GMDS: variants seen among roughly 807,000 people sequenced by gnomAD.
GMDS encodes GDP-mannose 4,6-dehydratase, also known as GDP-mannose 4,6 dehydratase.
Under a neutral mutation model 49.9 loss-of-function variants are expected in GMDS, and 20 were observed. That is an observed-to-expected ratio of 0.40 (90% CI 0.28 to 0.58). The LOEUF (loss-of-function observed/expected upper bound fraction) is 0.58, where lower values mean the gene tolerates loss of function less well. GMDS is among the 20% of genes least tolerant of loss of function. GMDS has a pLI of 0.42. For synonymous variants in GMDS, 177 were observed against 178.6 expected (o/e 0.99, Z 0.07); for missense variants, 362 against 481.4 (o/e 0.75, Z 2.32).
chr6:1,998,325 G>A (rs114751454), intron 4 of GMDS, among the ~76,000 whole-genome samples: 276 of 152,026 alleles, frequency 1.8e-3, no homozygotes, highest in Non-Finnish European at 3.0e-3. Flanking sequence ...ACAAACTCCT[G>A]GTAGAGTTTC....
At chr6:2,003,102 AAC>A (rs1040972317) in intron 4 of GMDS, among the ~76,000 whole-genome samples, 8 of 152,176 alleles carry the variant, frequency 5.3e-5, no homozygotes, top group Admixed American at 2.0e-4. Flanking sequence ...TACCTAAGCT[AAC>A]ATACTTGTAA....
At chr6:2,226,380 T>G (rs755759551) in intron 1 of GMDS, among the ~76,000 whole-genome samples, 1 of 152,218 alleles carries the variant, frequency 6.6e-6, no homozygotes, top group African/African-American at 2.4e-5. Flanking sequence ...AAGAGTTAGA[T>G]TCTGCCTATG....
At chr6:1,896,244 A>G (rs1264709358) in intron 7 of GMDS, among the ~76,000 whole-genome samples, 1 of 151,864 alleles carries the variant, frequency 6.6e-6, no homozygotes, top group Non-Finnish European at 1.5e-5. Context: ...AGATATGTGC[A>G]CTCCCCCTAA....
At chr6:1,776,887 T>C (rs9405516) in intron 7 of GMDS, among the ~76,000 whole-genome samples, 7,856 of 152,140 alleles carry the variant, frequency 0.052, 386 homozygotes, top group African/African-American at 0.12. Context: ...CTGACACTCT[T>C]CTCCCCCAAG....
intron 7 of GMDS, among the ~76,000 whole-genome samples, chr6:1,824,067 T>C (rs903559109): frequency 6.6e-6 from 1 of 152,036 alleles, no homozygotes; most frequent in Non-Finnish European, 1.5e-5. Context: ...CACCCTACCA[T>C]CCCTGAGACT....
chr6:1,707,976 A>G (rs1369887497), intron 9 of GMDS, among the ~76,000 whole-genome samples: 5 of 152,230 alleles, frequency 3.3e-5, no homozygotes, highest in Admixed American at 2.0e-4. Flanking sequence ...TTCACAAACT[A>G]GGCTACATCC....
chr6:2,210,463 T>C (rs756177384), intron 1 of GMDS, among the ~76,000 whole-genome samples: 3 of 152,198 alleles, frequency 2.0e-5, no homozygotes, highest in Non-Finnish European at 4.4e-5. Context: ...CATCCTTTCC[T>C]GGTGTAACGC....
intron 1 of GMDS, among the ~76,000 whole-genome samples, chr6:2,214,399 C>T (rs1347243124): frequency 6.6e-6 from 1 of 152,146 alleles, no homozygotes; most frequent in African/African-American, 2.4e-5. Flanking sequence ...GATGGTTTTG[C>T]ACCTGTAATG....
chr6:1,687,789 G>A (rs1003053134), intron 9 of GMDS, among the ~76,000 whole-genome samples: 1 of 152,096 alleles, frequency 6.6e-6, no homozygotes, highest in Non-Finnish European at 1.5e-5. Flanking sequence ...GCAGGTGTCA[G>A]TGCCCCAAGG....
intron 9 of GMDS, among the ~76,000 whole-genome samples, chr6:1,724,458 C>T (rs1766500886): frequency 6.6e-6 from 1 of 152,114 alleles, no homozygotes; most frequent in African/African-American, 2.4e-5. Flanking sequence ...TTATCAATCC[C>T]ACACCTTGTC....
chr6:1,777,304 C>T (rs973516482), intron 7 of GMDS, among the ~76,000 whole-genome samples: 1 of 152,276 alleles, frequency 6.6e-6, no homozygotes, highest in African/African-American at 2.4e-5. Context: ...GTTCATTCCA[C>T]TATTCCACAC....
At chr6:1,688,981 T>C (rs1022916827) in intron 9 of GMDS, among the ~76,000 whole-genome samples, 2 of 152,222 alleles carry the variant, frequency 1.3e-5, no homozygotes, top group Admixed American at 6.5e-5. Flanking sequence ...ATCATTACTG[T>C]AGAGGTTACT....
chr6:2,204,366 T>G (rs1055676601), intron 1 of GMDS, among the ~76,000 whole-genome samples: 5 of 152,222 alleles, frequency 3.3e-5, no homozygotes, highest in African/African-American at 1.2e-4. Flanking sequence ...ATTTACTATC[T>G]TCCTGCATAC....
chr6:1,936,380 TA>T (rs1456875327), intron 6 of GMDS, among the ~76,000 whole-genome samples: 1 of 152,066 alleles, frequency 6.6e-6, no homozygotes, highest in Non-Finnish European at 1.5e-5. Flanking sequence ...TCCATGAACC[TA>T]GGGAAAGTGA....
chr6:2,044,695 T>G (rs901935390), intron 4 of GMDS, among the ~76,000 whole-genome samples: 1 of 152,156 alleles, frequency 6.6e-6, no homozygotes, highest in African/African-American at 2.4e-5. Context: ...AACCTGCACG[T>G]GTACCCCTGA....
intron 7 of GMDS, among the ~76,000 whole-genome samples, chr6:1,792,691 T>C (rs1769591009): frequency 6.6e-6 from 1 of 152,226 alleles, no homozygotes; most frequent in African/African-American, 2.4e-5. Context: ...CTTGACTTGG[T>C]TTAGAATTTC....
At chr6:1,709,719 TACATGAG>T (rs1176514097) in intron 9 of GMDS, among the ~76,000 whole-genome samples, 18 of 152,202 alleles carry the variant, frequency 1.2e-4, no homozygotes, top group Non-Finnish European at 2.2e-4. Context: ...GACTGCTGCT[TACATGAG>T]AGTACGTGCA....
intron 9 of GMDS, among the ~76,000 whole-genome samples, chr6:1,658,804 C>T (rs1052585404): frequency 2.0e-5 from 3 of 152,208 alleles, no homozygotes; most frequent in Admixed American, 6.5e-5. Flanking sequence ...GTCACCTTGC[C>T]GGCATGGCAC....
At chr6:1,917,989 A>C in intron 7 of GMDS, among the ~76,000 whole-genome samples, 1 of 152,232 alleles carries the variant, frequency 6.6e-6, no homozygotes, top group East Asian at 1.9e-4. Flanking sequence ...TTCTTACTGC[A>C]CTGTTTCCAC....
Sources: allele counts gnomAD v4.1 joint callset (sites outside exome capture counted in the v4.1 genomes callset), GRCh38; gene constraint gnomAD v4.1.1; transcripts MANE v1.5; gene names NCBI Gene and HGNC (gene_info 2026-07-23, HGNC 2026-07-21).